The following TXNRD3 variants were observed in gnomAD, a reference collection of about 807,000 sequenced individuals.
TXNRD3 encodes TXNRD3 neighbor gene protein.
In TXNRD3, 68 loss-of-function variants were observed where a neutral mutation model predicts 78.2. The ratio of observed to expected loss-of-function variants is 0.87; its 90% CI spans 0.72 to 1.06. TXNRD3 has a LOEUF of 1.06. TXNRD3 is among the 50% of genes least tolerant of loss of function. The probability of loss-of-function intolerance (pLI) is 0.00; values close to 1 mark genes in which losing one functional copy is unlikely to be tolerated. For synonymous variants in TXNRD3, 296 were observed against 300.1 expected, an observed-to-expected ratio of 0.99 and a Z score of 0.14; for missense variants, 751 against 809.5, an observed-to-expected ratio of 0.93 and a Z score of 0.88.
At chr3:126,641,738 A>T (rs1212469688) in intron 6 of TXNRD3, among the ~76,000 whole-genome samples, 2 of 152,242 alleles carry the variant, frequency 1.3e-5, no homozygotes, top group African/African-American at 4.8e-5. Context: ...AACCTTTGCT[A>T]TTCTATTTTT....
intron 13 of TXNRD3, among the ~76,000 whole-genome samples, chr3:126,614,264 A>T (rs571372427): frequency 6.6e-6 from 1 of 152,344 alleles, no homozygotes; most frequent in East Asian, 1.9e-4. Flanking sequence ...TAAATAAAAC[A>T]GGTGAGTTGA....
intron 1 of TXNRD3, 147 bp downstream of exon 1, chr3:126,654,601 G>C: frequency 2.9e-6 from 1 of 346,580 alleles, no homozygotes; most frequent in Non-Finnish European, 4.7e-6. Context: ...CTCAGGGGAC[G>C]ACCGGGGAGA....
In TXNRD3 at chr3:126,640,295, G is replaced by C. The variant is rs1933040602; in HGVS notation, c.712+1737C>G. ...AATTTTTTGTATTTTTTTTAGTAGA[G>C]ACGGGGTTTCACCGTGTTAGCCAGG... On this transcript the variant is annotated intron_variant, in intron 6 of 15. Coordinates refer to ENST00000524230, the MANE Select transcript of TXNRD3 (RefSeq NM_052883.3). Among the ~76,000 whole-genome samples the C allele has an allele frequency of 6.3e-5, 2 of 31,892 alleles. 1 individual carries two copies. Among genetic ancestry groups the C allele is most frequent in the African/African-American group, 1.3e-4 (2 of 15,578 alleles). The allele number at this position is 31,892 out of a possible 152,430, so 20.9% of individuals were successfully genotyped here.
chr3:126,645,610 T>G (rs1933207064), intron 3 of TXNRD3, among the ~76,000 whole-genome samples: 1 of 152,194 alleles, frequency 6.6e-6, no homozygotes, highest in Non-Finnish European at 1.5e-5. Flanking sequence ...TTAATAAAAG[T>G]AAATAACTAA....
Position 126,630,877 on chromosome 3 carries a change from A to G in TXNRD3, c.1032T>C (p.Tyr344=), listed in dbSNP as rs1466990940. Residue 344 remains tyrosine (Y), a synonymous_variant, in exon 9 of 16, where the codon TAT becomes TAC. Coordinates refer to ENST00000524230, the MANE Select transcript of TXNRD3 (RefSeq NM_052883.3). ...GAAACCCTGCACACTCCAGGGCAAC[A>G]TAAGAGGCACCCACCACTAATGTTT... The G allele has an allele frequency of 5.2e-6, 8 of 1,536,156 alleles. No homozygotes were observed. The Admixed American group carries it at 5.9e-5, about 11-fold the overall frequency.
intron 12 of TXNRD3, among the ~76,000 whole-genome samples, chr3:126,619,524 AG>A (rs1193602384): frequency 6.6e-6 from 1 of 152,204 alleles, no homozygotes; most frequent in Admixed American, 6.5e-5. Context: ...TTATAGAAGT[AG>A]AAAGTAGAAT....
At chr3:126,619,172 A>G (rs1252397785) in intron 12 of TXNRD3, among the ~76,000 whole-genome samples, 1 of 152,210 alleles carries the variant, frequency 6.6e-6, no homozygotes, top group Non-Finnish European at 1.5e-5. Context: ...TCAAAATACT[A>G]AAAACAGAAC....
chr3:126,652,573 C>A lies in TXNRD3; in HGVS notation c.243+2175G>T, dbSNP rs190262435. 3.9e-5 allele frequency among the ~76,000 whole-genome samples: 6 copies of A among 152,306 alleles called. No homozygotes were observed. The East Asian group carries it at 9.6e-4, about 24-fold the overall frequency. ...GAGCCACTGTCAAGTGGAGTTTGCA[C>A]CTTCTCTTCATGTTTTCTCCAGGTA... On this transcript the variant is annotated intron_variant, in intron 1 of 15. Coordinates refer to ENST00000524230, the MANE Select transcript of TXNRD3 (RefSeq NM_052883.3).
At chr3:126,644,597 A>G (rs1347223589) in intron 3 of TXNRD3, among the ~76,000 whole-genome samples, 196 bp from the exon 4 acceptor site, 1 of 152,208 alleles carries the variant, frequency 6.6e-6, no homozygotes, top group African/African-American at 2.4e-5. Context: ...ACTTATACCA[A>G]AGTACATATG....
At chr3:126,644,112 C>T (rs1025452190) in intron 4 of TXNRD3, 59 bp from the exon 5 acceptor site, 22 of 1,500,044 alleles carry the variant, frequency 1.5e-5, no homozygotes, top group Non-Finnish European at 2.0e-5. Context: ...CCTGACACTC[C>T]CTCAATCTTT....
chr3:126,620,477 CTGCCACTTCAAAA>C (rs1183615925), intron 12 of TXNRD3, among the ~76,000 whole-genome samples: 1 of 152,034 alleles, frequency 6.6e-6, no homozygotes, highest in Non-Finnish European at 1.5e-5. Flanking sequence ...TCATTGATGC[CTGCCACTTCAAAA>C]AGTGGCAGCA....
chr3:126,631,759 C>G lies in TXNRD3; in HGVS notation c.971+5G>C. Reference sequence around the variant, plus strand: ...TTAAAGTTAAAATAGTCTATTTAACCTTACCTAGTAATACAGTATTCTTTA... The same window carrying G: ...TTAAAGTTAAAATAGTCTATTTAACGTTACCTAGTAATACAGTATTCTTTA... On this transcript the variant is annotated splice_donor_5th_base_variant and intron_variant, in intron 8 of 15. Transcript: ENST00000524230. 1 of 1,486,660 alleles carries G rather than the reference C, an allele frequency of 6.7e-7. No homozygotes were observed. The allele number at this position is 1,486,660 out of a possible 1,614,324, so 92.1% of individuals were successfully genotyped here. A position where few individuals can be genotyped will look rare whatever the true frequency, so the allele number is the denominator to read the frequency against.
intron 4 of TXNRD3, 51 bp downstream of exon 4, chr3:126,644,246 T>C: frequency 1.4e-6 from 2 of 1,457,266 alleles, no homozygotes; most frequent in South Asian, 2.5e-5. Flanking sequence ...AAGAAATAGC[T>C]ATGGCAGTCA....
In TXNRD3 at chr3:126,641,970, C is replaced by A. The variant is rs993288403; in HGVS notation, c.712+62G>T. ...AACTATAAAAATATGAATACCAAGT[C>A]TTTATCTAAAAAACTCATTTTTTCT... is the stretch of plus-strand genomic sequence containing the variant. On this transcript the variant is annotated intron_variant, in intron 6 of 15. Coordinates refer to ENST00000524230, the MANE Select transcript of TXNRD3 (RefSeq NM_052883.3). 4.2e-6 allele frequency: 6 copies of A among 1,437,880 alleles called. No homozygotes were observed. In the Admixed American group the frequency reaches 1.7e-4, roughly 40 times the overall value. The allele number at this position is 1,437,880 out of a possible 1,614,324, so 89.1% of individuals were successfully genotyped here. A position where few individuals can be genotyped will look rare whatever the true frequency, so the allele number is the denominator to read the frequency against.
intron 1 of TXNRD3, among the ~76,000 whole-genome samples, chr3:126,653,329 C>T (rs559408661): frequency 1.3e-5 from 2 of 152,204 alleles, no homozygotes; most frequent in African/African-American, 4.8e-5. Flanking sequence ...AAAGAATAAG[C>T]ATCCTAAATA....
intron 14 of TXNRD3, among the ~76,000 whole-genome samples, chr3:126,610,555 A>G (rs996085967): frequency 9.8e-5 from 15 of 152,362 alleles, no homozygotes; most frequent in African/African-American, 3.6e-4. Flanking sequence ...TTGTGTGAAC[A>G]TCTCCATCTA....
intron 12 of TXNRD3, among the ~76,000 whole-genome samples, chr3:126,617,963 T>A (rs906117657): frequency 6.6e-6 from 1 of 152,054 alleles, no homozygotes; most frequent in African/African-American, 2.4e-5. Flanking sequence ...ATAAAGCAAT[T>A]CCATTTATAA....
chr3:126,645,355 C>A (rs1372543323), intron 3 of TXNRD3, among the ~76,000 whole-genome samples: 1 of 152,164 alleles, frequency 6.6e-6, no homozygotes, highest in Non-Finnish European at 1.5e-5. Context: ...TTAGGATTGG[C>A]AAGACAAGCA....
At chr3:126,634,209 CT>C (rs1378443285) in intron 6 of TXNRD3, among the ~76,000 whole-genome samples, 158 bp from the exon 7 acceptor site, 1 of 152,194 alleles carries the variant, frequency 6.6e-6, no homozygotes, top group Admixed American at 6.5e-5. Context: ...AGTTTATACT[CT>C]TCCTAATTTA....
Sources: allele counts gnomAD v4.1 joint callset (sites outside exome capture counted in the v4.1 genomes callset), GRCh38; gene constraint gnomAD v4.1.1; transcripts MANE v1.5; gene names NCBI Gene and HGNC (gene_info 2026-07-23, HGNC 2026-07-21).